The following HYDIN variants were observed in gnomAD, a reference collection of about 807,000 sequenced individuals.
HYDIN encodes the protein axonemal central pair apparatus protein HYDIN.
HYDIN carries 132 observed loss-of-function variants against 403.9 expected under a neutral mutation model. The observed-to-expected ratio is 0.33, with a 90% confidence interval of 0.28 to 0.38. The LOEUF is 0.38. HYDIN is among the 10% of genes least tolerant of loss of function. HYDIN has a pLI of 1.00. For missense variants in HYDIN, 2,827 were observed against 5,009.5 expected (o/e 0.56, Z 13.15); for synonymous variants, 1,202 against 1,891.7 (o/e 0.64, Z 9.46).
chr16:70,853,667 T>C (rs1597128022), intron 73 of HYDIN, among the ~76,000 whole-genome samples: 1 of 142,692 alleles, frequency 7.0e-6, no homozygotes, highest in Admixed American at 6.7e-5. Flanking sequence ...GAGGAAAGTA[T>C]TGGATTCCAG....
chr16:71,202,670 T>C (rs2088079171), intron 1 of HYDIN, among the ~76,000 whole-genome samples: 1 of 152,208 alleles, frequency 6.6e-6, no homozygotes. Context: ...AGAAAATGTC[T>C]TCTCATATGC....
chr16:71,084,230 TCA>T (rs2082868054), intron 12 of HYDIN, among the ~76,000 whole-genome samples: 1 of 151,566 alleles, frequency 6.6e-6, no homozygotes, highest in African/African-American at 2.4e-5. Context: ...GGTTGTCTTT[TCA>T]CTTTCTTGAC....
chr16:71,070,326 T>C (rs867678357), intron 13 of HYDIN, among the ~76,000 whole-genome samples: 1,794 of 149,106 alleles, frequency 0.012, 41 homozygotes, highest in African/African-American at 0.039. Context: ...TCTTTCTTTT[T>C]TTTTTTTTTT....
chr16:70,824,377 C>T (rs2036449481), intron 83 of HYDIN, among the ~76,000 whole-genome samples: 1 of 152,066 alleles, frequency 6.6e-6, no homozygotes, highest in Non-Finnish European at 1.5e-5. Context: ...AAATGCTTCT[C>T]ATTGCCTTAT....
intron 10 of HYDIN, among the ~76,000 whole-genome samples, chr16:71,102,535 ATAT>A (rs1568156726): frequency 2.6e-5 from 4 of 151,030 alleles, no homozygotes; most frequent in Non-Finnish European, 1.5e-5. Flanking sequence ...AATGAAAACA[ATAT>A]TATAAGTATG....
At chr16:71,081,929 T>TA (rs11288944) in intron 12 of HYDIN, among the ~76,000 whole-genome samples, 3 of 87,712 alleles carry the variant, frequency 3.4e-5, no homozygotes, top group Non-Finnish European at 2.0e-5. Flanking sequence ...GTGGGTAATT[T>TA]AAAAAAATCA....
chr16:70,839,652 C>A (rs1347040382), intron 76 of HYDIN, among the ~76,000 whole-genome samples: 2 of 152,174 alleles, frequency 1.3e-5, no homozygotes, highest in Non-Finnish European at 2.9e-5. Context: ...GAACATCCCA[C>A]ACAGGGATGG....
chr16:71,038,671 T>A (rs1188346487), intron 18 of HYDIN, among the ~76,000 whole-genome samples: 2 of 152,294 alleles, frequency 1.3e-5, no homozygotes, highest in African/African-American at 2.4e-5. Flanking sequence ...TTTAAAAAAA[T>A]TTCTTTTGAG....
intron 23 of HYDIN, among the ~76,000 whole-genome samples, chr16:71,005,104 T>C (rs112475141): frequency 1.1e-4 from 16 of 152,004 alleles, no homozygotes; most frequent in African/African-American, 3.1e-4. Context: ...CTTTAAGCCC[T>C]AGTATACAGT....
intron 45 of HYDIN, among the ~76,000 whole-genome samples, chr16:70,925,394 C>T (rs2077121255): frequency 6.6e-6 from 1 of 152,244 alleles, no homozygotes; most frequent in Non-Finnish European, 1.5e-5. Context: ...AATCCTTTCC[C>T]CATTGCTTGT....
chr16:71,198,594 C>G (rs180683937), intron 1 of HYDIN, among the ~76,000 whole-genome samples: 3 of 152,266 alleles, frequency 2.0e-5, no homozygotes, highest in Non-Finnish European at 2.9e-5. Context: ...AATGCTTTAG[C>G]CCAGTGAGTC....
intron 1 of HYDIN, among the ~76,000 whole-genome samples, chr16:71,203,020 G>T (rs866299749): frequency 6.6e-6 from 1 of 152,206 alleles, no homozygotes; most frequent in Non-Finnish European, 1.5e-5. Context: ...TTGGGAAAGA[G>T]AAGTTATTTC....
chr16:70,990,956 T>C (rs959791154), intron 25 of HYDIN, among the ~76,000 whole-genome samples: 1 of 152,278 alleles, frequency 6.6e-6, no homozygotes, highest in African/African-American at 2.4e-5. Context: ...GTTTCTAAAA[T>C]GTTGTAACAA....
chr16:71,064,898 A>C, intron 15 of HYDIN, 58 bp from the exon 16 acceptor site: 1 of 1,589,702 alleles, frequency 6.3e-7, no homozygotes, highest in Non-Finnish European at 8.6e-7. Flanking sequence ...CATACAGAAA[A>C]CGCAGAGCCC....
intron 1 of HYDIN, among the ~76,000 whole-genome samples, chr16:71,188,442 GACA>G (rs1257523587): frequency 6.6e-6 from 1 of 152,158 alleles, no homozygotes; most frequent in Non-Finnish European, 1.5e-5. Flanking sequence ...GCTGGGTAGT[GACA>G]ACAACAGAAG....
intron 1 of HYDIN, among the ~76,000 whole-genome samples, chr16:71,217,464 A>T (rs2088948213): frequency 6.6e-6 from 1 of 152,166 alleles, no homozygotes; most frequent in Non-Finnish European, 1.5e-5. Flanking sequence ...CTACCCATAT[A>T]AGAATTTCAC....
intron 43 of HYDIN, among the ~76,000 whole-genome samples, chr16:70,940,448 T>C (rs1362014968): frequency 2.0e-5 from 3 of 151,958 alleles, no homozygotes; most frequent in African/African-American, 4.8e-5. Flanking sequence ...GGCATGTTCA[T>C]AGATGTTCGA....
intron 41 of HYDIN, among the ~76,000 whole-genome samples, chr16:70,945,852 G>C (rs1341407804): frequency 6.6e-6 from 1 of 152,178 alleles, no homozygotes; most frequent in African/African-American, 2.4e-5. Flanking sequence ...CCGTGGAATG[G>C]TGGGGACAAA....
intron 47 of HYDIN, among the ~76,000 whole-genome samples, chr16:70,913,174 G>A (rs1444247280): frequency 2.0e-5 from 3 of 150,142 alleles, no homozygotes; most frequent in Non-Finnish European, 4.4e-5. Flanking sequence ...TTCTTCTGCT[G>A]GGTTTGGGTT....
Sources: allele counts gnomAD v4.1 joint callset (sites outside exome capture counted in the v4.1 genomes callset), GRCh38; gene constraint gnomAD v4.1.1; transcripts MANE v1.5; gene names NCBI Gene and HGNC (gene_info 2026-07-23, HGNC 2026-07-21).